Variants in YEATS2 observed in about 807,000 individuals in gnomAD.
YEATS2 encodes YEATS domain-containing protein 2.
YEATS2 carries 77 observed loss-of-function variants against 163.2 expected under a neutral mutation model. The observed-to-expected ratio is 0.47, with a 90% CI of 0.39 to 0.57. The LOEUF (loss-of-function observed/expected upper bound fraction) is 0.57. Ranked by LOEUF, YEATS2 falls within the 20% of genes least tolerant of loss-of-function variation. YEATS2 has a pLI of 0.00. For synonymous variants in YEATS2, 631 were observed against 645.1 expected (o/e 0.98, Z 0.33); for missense variants, 1,549 against 1,729.8 (o/e 0.90, Z 1.85).
Position 183,775,373 on chromosome 3 carries a change from G to A in YEATS2, c.2369-542G>A, listed in dbSNP as rs143150046. On this transcript the variant is annotated intron_variant, in intron 17 of 30. Transcript: ENST00000305135. ...AGCACTTTGGAGGGCCAAGGCGGGC[G>A]GATCATGAGGTCAGGAGATCGAGAC... is the stretch of plus-strand genomic sequence containing the variant. Among the ~76,000 whole-genome samples the A allele has an allele frequency of 3.7e-3, 556 of 152,306 alleles. 4 individuals are homozygous for A. The highest frequency in any genetic ancestry group is 0.013 in the African/African-American group (531 of 41,562).
intron 2 of YEATS2, among the ~76,000 whole-genome samples, chr3:183,717,378 T>C (rs1000198130): frequency 1.3e-5 from 2 of 152,200 alleles, no homozygotes; most frequent in African/African-American, 4.8e-5. Flanking sequence ...TCAGTTTGAG[T>C]TTGTCTAATC....
chr3:183,771,139 C>T (rs924632049), intron 15 of YEATS2, among the ~76,000 whole-genome samples: 2 of 152,158 alleles, frequency 1.3e-5, no homozygotes, highest in Admixed American at 6.5e-5. Flanking sequence ...ATCTTCCTAC[C>T]AACAGTGAGC....
chr3:183,778,127 AAG>A (rs1491267901), intron 19 of YEATS2, among the ~76,000 whole-genome samples: 17 of 147,412 alleles, frequency 1.2e-4, no homozygotes, highest in African/African-American at 3.0e-4. Flanking sequence ...AAAAAAAAAA[AAG>A]AAAAAAAAAG....
intron 15 of YEATS2, among the ~76,000 whole-genome samples, chr3:183,769,191 A>G (rs991818777): frequency 6.6e-5 from 10 of 152,230 alleles, no homozygotes; most frequent in Non-Finnish European, 1.5e-4. Context: ...CAGTTTTAAC[A>G]ATTACCAGCA....
At chr3:183,749,087 C>T (rs1719877327) in intron 9 of YEATS2, among the ~76,000 whole-genome samples, 1 of 152,100 alleles carries the variant, frequency 6.6e-6, no homozygotes, top group African/African-American at 2.4e-5. Context: ...GGACCACAGG[C>T]ACCCGCCACC....
At chr3:183,749,618 C>T (rs1265058730) in intron 9 of YEATS2, among the ~76,000 whole-genome samples, 2 of 152,000 alleles carry the variant, frequency 1.3e-5, no homozygotes, top group Admixed American at 1.3e-4. Flanking sequence ...TCAGAATTTC[C>T]TTCCTTTGTA....
intron 26 of YEATS2, 47 bp downstream of exon 26, chr3:183,803,382 T>C (rs2108524058): frequency 6.6e-7 from 1 of 1,523,812 alleles, no homozygotes; most frequent in East Asian, 2.3e-5. Context: ...AGAAACCTTG[T>C]CTTATGGAAC....
chr3:183,784,523 T>G (rs1723868746), intron 19 of YEATS2, among the ~76,000 whole-genome samples: 1 of 152,222 alleles, frequency 6.6e-6, no homozygotes, highest in Admixed American at 6.5e-5. Context: ...ATGTATGGTT[T>G]ATGAATCTTT....
chr3:183,738,009 A>G (rs907339995), intron 8 of YEATS2, among the ~76,000 whole-genome samples: 3 of 151,784 alleles, frequency 2.0e-5, no homozygotes, highest in Admixed American at 1.3e-4. Flanking sequence ...TTTTTATTAA[A>G]TCTGTTTTGA....
At position 183,800,554 on chromosome 3, in the gene YEATS2, A is replaced by G. The variant is rs1725572362; in HGVS notation, c.3414A>G (p.Gly1138=). The G allele has an allele frequency of 1.2e-6, 2 of 1,613,818 alleles. No homozygotes were observed. The highest frequency in any genetic ancestry group is 1.6e-4 in the Middle Eastern group (1 of 6,062). Residue 1138 remains glycine, a synonymous_variant, in exon 24 of 31, where the codon GGA becomes GGG. Transcript: ENST00000305135. ...AAACAGAAGAAAGTTCTGAGCTGGG[A>G]AACTATGTCATTAAGTAATTCTTCC... ...AVKTEESSEL[G]NYVIKIDHLE... is the part of the protein sequence containing the mutation.
At chr3:183,730,306 C>T (rs559842044) in intron 7 of YEATS2, among the ~76,000 whole-genome samples, 21 of 151,936 alleles carry the variant, frequency 1.4e-4, no homozygotes, top group Admixed American at 3.3e-4. Flanking sequence ...CTCAAGCCCC[C>T]TGCCCGCCTT....
chr3:183,797,038 G>A (rs983280854), intron 21 of YEATS2, among the ~76,000 whole-genome samples: 3 of 152,112 alleles, frequency 2.0e-5, no homozygotes, highest in Admixed American at 6.5e-5. Context: ...GGAGGCCTAG[G>A]TGAGTGGATC....
At chr3:183,709,160 C>CA (rs927913029) in intron 1 of YEATS2, among the ~76,000 whole-genome samples, 49 of 140,500 alleles carry the variant, frequency 3.5e-4, no homozygotes, top group Middle Eastern at 3.7e-3. Flanking sequence ...GACTCTGTCT[C>CA]AAAAAAAAAA....
At chr3:183,727,109 C>G (rs541454407) in intron 6 of YEATS2, among the ~76,000 whole-genome samples, 108 of 152,120 alleles carry the variant, frequency 7.1e-4, no homozygotes, top group African/African-American at 2.5e-3. Context: ...CCTTGTCTGG[C>G]TTTGTACCCT....
chr3:183,742,079 G>A (rs1026219860), intron 8 of YEATS2, among the ~76,000 whole-genome samples: 4 of 150,920 alleles, frequency 2.7e-5, no homozygotes, highest in Non-Finnish European at 4.4e-5. Context: ...ACATGGTGGC[G>A]CTTGCCTGTA....
At chr3:183,758,661 C>T (rs1218903939) in intron 12 of YEATS2, among the ~76,000 whole-genome samples, 1 of 151,672 alleles carries the variant, frequency 6.6e-6, no homozygotes, top group African/African-American at 2.4e-5. Flanking sequence ...TTACCTTCTT[C>T]AGGTTGAGCA....
chr3:183,700,598 CTTTTTTTTT>C (rs748017835), intron 1 of YEATS2, among the ~76,000 whole-genome samples: 1 of 126,620 alleles, frequency 7.9e-6, no homozygotes, highest in Non-Finnish European at 1.6e-5. Context: ...TCTTTTCTTT[CTTTTTTTTT>C]TTTTTTTTTG....
intron 4 of YEATS2, among the ~76,000 whole-genome samples, chr3:183,719,449 G>C (rs987790345): frequency 6.6e-6 from 1 of 152,026 alleles, no homozygotes; most frequent in African/African-American, 2.4e-5. Context: ...TCATTTTTAC[G>C]TAATTCTTTT....
chr3:183,772,169 T>G, intron 15 of YEATS2, 136 bp from the exon 16 acceptor site: 1 of 1,159,266 alleles, frequency 8.6e-7, no homozygotes, highest in Non-Finnish European at 1.2e-6. Flanking sequence ...TTCACACCTG[T>G]GTAGGTAGCT....
Sources: allele counts gnomAD v4.1 joint callset (sites outside exome capture counted in the v4.1 genomes callset), GRCh38; gene constraint gnomAD v4.1.1; transcripts MANE v1.5; gene names NCBI Gene and HGNC (gene_info 2026-07-23, HGNC 2026-07-21).